The following MAEA variants were observed in gnomAD, a reference collection of about 807,000 sequenced individuals.
The protein encoded by MAEA is E3 ubiquitin-protein transferase MAEA.
MAEA carries 22 observed loss-of-function variants against 46.2 expected under a neutral mutation model. The ratio of observed to expected loss-of-function variants is 0.48; its 90% CI spans 0.34 to 0.68. The LOEUF (loss-of-function observed/expected upper bound fraction) is 0.68, where lower values mean the gene tolerates loss of function less well. Among genes scored for constraint, MAEA ranks in the 30% least tolerant of loss-of-function variants. MAEA has a pLI of 0.01. For synonymous variants in MAEA, 246 were observed against 222.6 expected (o/e 1.11, Z -0.94); for missense variants, 393 against 558.1 (o/e 0.70, Z 2.98).
At chr4:1,291,649 A>G (rs1734120052) in intron 1 of MAEA, among the ~76,000 whole-genome samples, 1 of 152,208 alleles carries the variant, frequency 6.6e-6, no homozygotes, top group Non-Finnish European at 1.5e-5. Context: ...CACTTCTGGT[A>G]CTGGCTGGTG....
intron 1 of MAEA, among the ~76,000 whole-genome samples, chr4:1,307,466 C>T (rs766065785): frequency 7.8e-4 from 118 of 152,208 alleles, no homozygotes; most frequent in Non-Finnish European, 1.6e-3. Context: ...CAAGGTTCAC[C>T]CATGTTACAG....
At chr4:1,312,326 G>T (rs890157939) in intron 2 of MAEA, 165 bp downstream of exon 2, 2 of 715,868 alleles carry the variant, frequency 2.8e-6, no homozygotes, top group Admixed American at 2.6e-5. Context: ...CGGCTGAGCA[G>T]GCCAGCTTCC....
intron 1 of MAEA, chr4:1,309,748 C>T: frequency 1.3e-6 from 2 of 1,501,046 alleles, no homozygotes; most frequent in Non-Finnish European, 1.8e-6. Flanking sequence ...TGCCTGCGTT[C>T]TGCGTAACCG....
chr4:1,334,880 G>A, intron 6 of MAEA: 1 of 985,442 alleles, frequency 1.0e-6, no homozygotes, highest in Non-Finnish European at 1.2e-6. Context: ...CTCCCTTGTA[G>A]ACTTTGATTT....
chr4:1,314,748 G>C (rs11247990), intron 2 of MAEA, among the ~76,000 whole-genome samples: 24,211 of 152,222 alleles, frequency 0.16, 3,722 homozygotes, highest in East Asian at 0.42. Context: ...GGCAAAAGAT[G>C]ACTTCCAAAG....
chr4:1,328,690 C>G, intron 5 of MAEA: 1 of 1,279,142 alleles, frequency 7.8e-7, no homozygotes, highest in South Asian at 1.3e-5. Flanking sequence ...GGGCGTCTCA[C>G]GATGAGGTGC....
At position 1,339,674 on chromosome 4, in the gene MAEA, A is replaced by C. The variant is rs933047975; in HGVS notation, c.*505A>C. On this transcript the variant is annotated 3_prime_UTR_variant, in exon 9 of 9. Transcript: ENST00000303400. ...AGGGACACTTATGGCTTCATTCGAG[A>C]GCTGCTGCCAAAACGCCTGGCGCCG... 3.2e-5 allele frequency: 5 copies of C among 155,466 alleles called. No homozygotes were observed. The highest frequency in any genetic ancestry group is 9.6e-5 in the African/African-American group (4 of 41,488). 9.6% of individuals were successfully genotyped at this position (155,466 alleles called of 1,614,324 possible).
Position 1,312,005 on chromosome 4 carries a change from C to T in MAEA, c.96C>T (p.Arg32=). The change falls in exon 2 of 9, where the codon CGC becomes CGT. Residue 32 remains arginine, a synonymous_variant. Transcript: ENST00000303400. ...TGCCCTACGAGACGCTGAACAAACGCTTTCGCGCCGCTCAGAAGAACATTG... is the reference window on the plus strand; with the variant it reads ...TGCCCTACGAGACGCTGAACAAACGTTTTCGCGCCGCTCAGAAGAACATTG... ...LKVPYETLNK[R]FRAAQKNIDR... 6.2e-7 allele frequency: 1 copy of T among 1,613,584 alleles called. No individual in the cohort carries two copies. The highest frequency in any genetic ancestry group is 8.5e-7 in the Non-Finnish European group (1 of 1,179,640).
intron 5 of MAEA, chr4:1,328,978 C>T: frequency 1.0e-6 from 1 of 992,368 alleles, no homozygotes; most frequent in African/African-American, 1.7e-5. Flanking sequence ...AGAGGAGGGG[C>T]TCCCGCTCTG....
At chr4:1,333,168 T>C (rs1712070773) in intron 6 of MAEA, among the ~76,000 whole-genome samples, 1 of 152,036 alleles carries the variant, frequency 6.6e-6, no homozygotes, top group Non-Finnish European at 1.5e-5. Context: ...AGACCCCACC[T>C]CTACAAAAAA....
At chr4:1,294,023 C>G (rs750472570) in intron 1 of MAEA, among the ~76,000 whole-genome samples, 2 of 152,264 alleles carry the variant, frequency 1.3e-5, no homozygotes, top group East Asian at 1.9e-4. Flanking sequence ...CTGACACACA[C>G]ATTGGGTTGG....
intron 1 of MAEA, among the ~76,000 whole-genome samples, chr4:1,310,237 G>T (rs1392265494): frequency 6.6e-6 from 1 of 150,972 alleles, no homozygotes; most frequent in African/African-American, 2.4e-5. Context: ...CAGGGCCTCG[G>T]GGGGGCCTTC....
intron 1 of MAEA, among the ~76,000 whole-genome samples, chr4:1,302,327 C>A (rs994905020): frequency 2.0e-5 from 3 of 152,028 alleles, no homozygotes; most frequent in Non-Finnish European, 2.9e-5. Flanking sequence ...TTTAAGTTGC[C>A]CAGTCTGTGA....
chr4:1,339,404 A>G lies in MAEA; in HGVS notation c.*235A>G. 1 of 544,256 alleles carries G rather than the reference A, an allele frequency of 1.8e-6. No homozygotes were observed. The highest frequency in any genetic ancestry group is 2.4e-5 in the South Asian group (1 of 40,942). 33.7% of individuals were successfully genotyped at this position (544,256 alleles called of 1,614,324 possible). A position where few individuals can be genotyped will look rare whatever the true frequency, so the allele number is the denominator to read the frequency against. On this transcript the variant is annotated 3_prime_UTR_variant, in exon 9 of 9. Coordinates refer to ENST00000303400, the MANE Select transcript of MAEA (RefSeq NM_001017405.3). ...CACGTCAACCATTTGATGCTTCTGA[A>G]AAGTACTTTCAACTTGCGAAGGAAA...
In MAEA at chr4:1,339,199, G is replaced by A; in HGVS notation, c.*30G>A. The A allele has an allele frequency of 6.3e-7, 1 of 1,579,568 alleles. No homozygotes were observed. Among genetic ancestry groups the A allele is most frequent in the Non-Finnish European group, 8.7e-7 (1 of 1,148,938 alleles). Reference sequence around the variant, plus strand: ...CACGTCGTGAAGCGCACGCCTCGGGGACGGGCTGCAGTGGGCGGGGAGGCC... The same window carrying A: ...CACGTCGTGAAGCGCACGCCTCGGGAACGGGCTGCAGTGGGCGGGGAGGCC... On this transcript the variant is annotated 3_prime_UTR_variant, in exon 9 of 9. Transcript: ENST00000303400.
rs1298391583 is a variant in MAEA at position 1,303,906 on chromosome 4, TGGGGGTCGGGCAGGGCAGGGGGGTCC to T, written c.70-8070_70-8045del. On this transcript the variant is annotated intron_variant, in intron 1 of 8. Coordinates refer to ENST00000303400, the MANE Select transcript of MAEA (RefSeq NM_001017405.3). Reference sequence around the variant, plus strand: ...GGCAGGGGGGTCCGGCAGGGCAGGGTGGGGGTCGGGCAGGGCAGGGGGGTCCGGCAGGGCAGGGTGGGGGTCGGGCA... The same window carrying T: ...GGCAGGGGGGTCCGGCAGGGCAGGGTGGCAGGGCAGGGTGGGGGTCGGGCA... Among the ~76,000 whole-genome samples, 32 of 15,962 alleles carry T rather than the reference TGGGGGTCGGGCAGGGCAGGGGGGTCC, an allele frequency of 2.0e-3. 1 individual carries two copies. The highest frequency in any genetic ancestry group is 9.9e-3 in the African/African-American group (32 of 3,228). The allele number at this position is 15,962 out of a possible 152,430, so 10.5% of individuals were successfully genotyped here. A position where few individuals can be genotyped will look rare whatever the true frequency, so the allele number is the denominator to read the frequency against.
intron 5 of MAEA, chr4:1,329,604 G>T (rs1249343126): frequency 3.0e-6 from 3 of 985,402 alleles, no homozygotes; most frequent in African/African-American, 3.5e-5. Context: ...GGGCCGTCTT[G>T]GGAGTGGTTC....
intron 5 of MAEA, chr4:1,330,954 T>TA (rs1365232970): frequency 2.0e-5 from 3 of 152,178 alleles, no homozygotes; most frequent in Non-Finnish European, 4.4e-5. Context: ...GATGGTGAGA[T>TA]AAGACGCGTA....
intron 7 of MAEA, chr4:1,337,390 CTCTG>C (rs1312063941): frequency 7.6e-6 from 2 of 261,928 alleles, no homozygotes; most frequent in South Asian, 3.5e-5. Flanking sequence ...CTGTGACCGA[CTCTG>C]TCTGCCTGTG....
Sources: gnomAD v4.1 joint callset for allele counts (sites outside exome capture counted in the v4.1 genomes callset) on GRCh38, gnomAD v4.1.1 for gene constraint, MANE v1.5 for transcripts, NCBI Gene and HGNC (gene_info 2026-07-23, HGNC 2026-07-21) for gene names.